ARK2N: variants seen among roughly 807,000 people sequenced by gnomAD.
The protein encoded by ARK2N is arkadia (RNF111) N-terminal like PKA signaling regulator 2N.
the ARK2N span, among the ~76,000 whole-genome samples, chr18:46,214,841 G>A: frequency 7.2e-5 from 11 of 152,252 alleles, no homozygotes; most frequent in African/African-American, 2.6e-4. Flanking sequence ...CTCAAATTCA[G>A]CATGATGAGG....
chr18:46,207,310 G>A, the ARK2N span, among the ~76,000 whole-genome samples: 2 of 151,626 alleles, frequency 1.3e-5, no homozygotes, highest in Non-Finnish European at 2.9e-5. Flanking sequence ...TGATTACTAG[G>A]TAGCTGAAGT....
the ARK2N span, among the ~76,000 whole-genome samples, chr18:46,247,861 C>T: frequency 3.3e-5 from 5 of 152,134 alleles, no homozygotes; most frequent in East Asian, 3.9e-4. Flanking sequence ...TAGTAGAGAC[C>T]GGGTTTTGCC....
the ARK2N span, among the ~76,000 whole-genome samples, chr18:46,181,800 G>T: frequency 6.6e-5 from 10 of 152,164 alleles, no homozygotes; most frequent in Non-Finnish European, 1.0e-4. Flanking sequence ...TTGAGATGGG[G>T]TCTTACTATG....
the ARK2N span, among the ~76,000 whole-genome samples, chr18:46,244,223 C>G: frequency 1.3e-5 from 2 of 152,154 alleles, no homozygotes; most frequent in Non-Finnish European, 2.9e-5. Flanking sequence ...TAAGGGCTCA[C>G]TGCAAACAAA....
At chr18:46,175,577 C>CA in the ARK2N span, among the ~76,000 whole-genome samples, 5,772 of 79,126 alleles carry the variant, frequency 0.073, 273 homozygotes, top group East Asian at 0.18. Flanking sequence ...AGTCTCAGGA[C>CA]AAAAAAAAAA....
the ARK2N span, among the ~76,000 whole-genome samples, chr18:46,209,111 A>G: frequency 6.6e-6 from 1 of 152,140 alleles, no homozygotes; most frequent in Non-Finnish European, 1.5e-5. Flanking sequence ...GATGAAAACT[A>G]GAAAGGTGGG....
the ARK2N span, among the ~76,000 whole-genome samples, chr18:46,209,817 A>G: frequency 6.6e-6 from 1 of 152,224 alleles, no homozygotes; most frequent in East Asian, 1.9e-4. Flanking sequence ...GGTGGTCTTG[A>G]ACCCCTGACC....
chr18:46,249,993 C>A, the ARK2N span, among the ~76,000 whole-genome samples: 6 of 151,990 alleles, frequency 3.9e-5, no homozygotes, highest in Non-Finnish European at 8.8e-5. Context: ...AATTCCCCGC[C>A]CCCCTCGCCC....
chr18:46,177,784 C>T, the ARK2N span, among the ~76,000 whole-genome samples: 1 of 152,136 alleles, frequency 6.6e-6, no homozygotes, highest in Admixed American at 6.6e-5. Flanking sequence ...TGGTATGCAT[C>T]TTTAGTCCCT....
At chr18:46,205,886 C>T in the ARK2N span, among the ~76,000 whole-genome samples, 2 of 151,916 alleles carry the variant, frequency 1.3e-5, no homozygotes, top group East Asian at 1.9e-4. Context: ...CTACCATGCT[C>T]GGCTAATTTT....
chr18:46,187,687 A>C, the ARK2N span, among the ~76,000 whole-genome samples: 1 of 152,038 alleles, frequency 6.6e-6, no homozygotes, highest in African/African-American at 2.4e-5. Flanking sequence ...GGAGTTAACT[A>C]TATTCTTGTT....
chr18:46,253,610 G>C, the ARK2N span: 1 of 1,473,654 alleles, frequency 6.8e-7, no homozygotes, highest in African/African-American at 1.4e-5. Context: ...ACTAAACCTA[G>C]ATGACAAATC....
the ARK2N span, among the ~76,000 whole-genome samples, chr18:46,203,286 T>C: frequency 6.6e-6 from 1 of 152,194 alleles, no homozygotes; most frequent in Non-Finnish European, 1.5e-5. Flanking sequence ...GATATAGTTA[T>C]ACAGTGGAAT....
chr18:46,184,523 A>G, the ARK2N span, among the ~76,000 whole-genome samples: 1 of 152,114 alleles, frequency 6.6e-6, no homozygotes. Flanking sequence ...GGAGTTTGAG[A>G]CCAGACTGGG....
the ARK2N span, among the ~76,000 whole-genome samples, chr18:46,213,773 T>C: frequency 2.0e-5 from 3 of 152,208 alleles, no homozygotes; most frequent in Non-Finnish European, 2.9e-5. Flanking sequence ...CTTGGCTCAC[T>C]GCAACCTCCG....
the ARK2N span, among the ~76,000 whole-genome samples, chr18:46,234,934 G>A: frequency 2.6e-5 from 4 of 152,146 alleles, no homozygotes; most frequent in Non-Finnish European, 4.4e-5. Context: ...TATTACTATG[G>A]CTGCATAGAC....
the ARK2N span, among the ~76,000 whole-genome samples, chr18:46,250,507 C>CACAT: frequency 6.6e-6 from 1 of 151,590 alleles, no homozygotes; most frequent in African/African-American, 2.4e-5. Flanking sequence ...CACACACACA[C>CACAT]ACACACACAG....
chr18:46,198,807 C>T, the ARK2N span, among the ~76,000 whole-genome samples: 1 of 152,104 alleles, frequency 6.6e-6, no homozygotes, highest in African/African-American at 2.4e-5. Flanking sequence ...CTATGTTGGC[C>T]AGGTTGGTCT....
At chr18:46,261,803 G>T in the ARK2N span, among the ~76,000 whole-genome samples, 337 of 152,296 alleles carry the variant, frequency 2.2e-3, no homozygotes, top group Non-Finnish European at 4.3e-3. Flanking sequence ...GAAGTTATCA[G>T]ATTAAGCCTT....
Sources: allele counts gnomAD v4.1 joint callset (sites outside exome capture counted in the v4.1 genomes callset), GRCh38; gene constraint gnomAD v4.1.1; transcripts MANE v1.5; gene names NCBI Gene and HGNC (gene_info 2026-07-23, HGNC 2026-07-21).